Variants in CHST8 observed in about 807,000 individuals in gnomAD.
The protein encoded by CHST8 is carbohydrate sulfotransferase 8.
In CHST8, 10 loss-of-function variants were observed where a neutral mutation model predicts 15.0. That is an observed-to-expected ratio of 0.67 (90% CI 0.41 to 1.13). CHST8 has a LOEUF of 1.13. Ranked by LOEUF, CHST8 falls within the 50% of genes most tolerant of loss-of-function variation. CHST8 has a pLI of 0.00. For synonymous variants in CHST8, 259 were observed against 256.6 expected, an observed-to-expected ratio of 1.01 and a Z score of -0.09; for missense variants, 634 against 608.2, an observed-to-expected ratio of 1.04 and a Z score of -0.45.
Position 33,772,359 on chromosome 19 carries a change from CGCGTGCTCTACT to C in CHST8, c.575_586del (p.Val192_Cys195del), listed in dbSNP as rs756862475. The C allele has an allele frequency of 1.9e-6, 3 of 1,607,614 alleles. No individual in the cohort carries two copies. In the East Asian group the frequency reaches 6.7e-5, roughly 36 times the overall value. On this transcript the variant is annotated inframe_deletion, in exon 5 of 5. Transcript: ENST00000650847. ...CCGTATCTTCGTGGAGGACCGCCAC[CGCGTGCTCTACT>C]GCGAGGTGCCCAAGGCCGGCTGCTC...
intron 3 of CHST8, among the ~76,000 whole-genome samples, chr19:33,700,810 C>A (rs1249374516): frequency 6.6e-6 from 1 of 152,170 alleles, no homozygotes; most frequent in Non-Finnish European, 1.5e-5. Flanking sequence ...CAGGGACACA[C>A]CCACACTGTG....
rs752510254 is a variant in CHST8, at chr19:33,772,065, G to T, written c.277G>T (p.Asp93Tyr). The T allele has an allele frequency of 2.4e-5, 39 of 1,612,366 alleles. No homozygotes were observed. The African/African-American group carries it at 3.1e-4, about 13-fold the overall frequency. The change falls in exon 5 of 5, where the codon GAC (aspartate) becomes TAC (tyrosine). Residue 93 changes from aspartate to tyrosine, a missense_variant. Physicochemically the swap from Asp to Tyr is radical, Grantham distance 160. Transcript: ENST00000650847. ...APRGRNLPAP[D>Y]QPQPPLQRGT... ...GAGGGGCCGCAACCTGCCAGCGCCT[G>T]ACCAGCCTCAACCCCCGCTGCAGAG... is the stretch of plus-strand genomic sequence containing the variant.
At chr19:33,661,046 G>A (rs138103099) in intron 1 of CHST8, among the ~76,000 whole-genome samples, 51 of 152,298 alleles carry the variant, frequency 3.3e-4, no homozygotes, top group Non-Finnish European at 5.7e-4. Flanking sequence ...GCCCCCTCTT[G>A]TCTGCGAGGC....
chr19:33,730,195 G>A (rs78280373), intron 3 of CHST8, among the ~76,000 whole-genome samples: 2,848 of 152,246 alleles, frequency 0.019, 34 homozygotes, highest in Non-Finnish European at 0.027. Context: ...TCGAGAACCC[G>A]GCGTGCAATT....
intron 3 of CHST8, among the ~76,000 whole-genome samples, chr19:33,741,163 A>G (rs1445571423): frequency 1.3e-5 from 2 of 152,128 alleles, no homozygotes; most frequent in Non-Finnish European, 2.9e-5. Flanking sequence ...GCTGCTGTCA[A>G]TCATGCTCTG....
At chr19:33,649,692 A>T (rs1190182183) in intron 1 of CHST8, among the ~76,000 whole-genome samples, 3 of 152,198 alleles carry the variant, frequency 2.0e-5, no homozygotes, top group Admixed American at 6.5e-5. Flanking sequence ...TACATGTCAA[A>T]AGGACATGAA....
chr19:33,734,349 T>C (rs554863994), intron 3 of CHST8, among the ~76,000 whole-genome samples: 3 of 152,332 alleles, frequency 2.0e-5, no homozygotes, highest in African/African-American at 4.8e-5. Context: ...AAATGGGCAA[T>C]GAAGAATGGA....
chr19:33,625,780 T>C (rs1222834353), intron 1 of CHST8, among the ~76,000 whole-genome samples: 3 of 152,124 alleles, frequency 2.0e-5, no homozygotes, highest in African/African-American at 7.2e-5. Context: ...GAGAATCACT[T>C]GAACCTGGGA....
chr19:33,763,189 A>AT (rs1974770957), intron 3 of CHST8, among the ~76,000 whole-genome samples: 1 of 152,190 alleles, frequency 6.6e-6, no homozygotes, highest in Non-Finnish European at 1.5e-5. Flanking sequence ...CTAAGCCTGC[A>AT]TTAAAAACTA....
intron 3 of CHST8, among the ~76,000 whole-genome samples, chr19:33,705,887 C>T (rs1027465572): frequency 6.6e-6 from 1 of 152,200 alleles, no homozygotes; most frequent in African/African-American, 2.4e-5. Context: ...AAGGAGGTGG[C>T]ATCCAGGGGT....
In CHST8 at chr19:33,771,941, T is replaced by C. The variant is rs1974991678; in HGVS notation, c.169-16T>C. On this transcript the variant is annotated splice_polypyrimidine_tract_variant and intron_variant, in intron 4 of 4. Transcript: ENST00000650847. ...TGTCCTTTCCACTCAGATAACCACT[T>C]CTCTTCTTGCCCCAGGACCTCCCAC... 6.5e-7 allele frequency: 1 copy of C among 1,539,314 alleles called. No individual in the cohort carries two copies. The highest frequency in any genetic ancestry group is 8.7e-7 in the Non-Finnish European group (1 of 1,146,604).
At chr19:33,630,145 T>A (rs1256178408) in intron 1 of CHST8, among the ~76,000 whole-genome samples, 3 of 152,210 alleles carry the variant, frequency 2.0e-5, no homozygotes, top group Non-Finnish European at 4.4e-5. Context: ...CTGCAGGAGC[T>A]TTGCTTCCTG....
chr19:33,639,430 C>T (rs2059876), intron 1 of CHST8, among the ~76,000 whole-genome samples: 42,755 of 152,100 alleles, frequency 0.28, 6,158 homozygotes, highest in East Asian at 0.32. Context: ...AGGAGCCTCT[C>T]AGCATCGGGG....
intron 1 of CHST8, among the ~76,000 whole-genome samples, chr19:33,635,121 C>G (rs1972176140): frequency 6.6e-6 from 1 of 152,198 alleles, no homozygotes; most frequent in Non-Finnish European, 1.5e-5. Flanking sequence ...CAATCCATCC[C>G]TGCACCATGC....
intron 1 of CHST8, among the ~76,000 whole-genome samples, chr19:33,630,364 C>T (rs938172525): frequency 1.3e-5 from 2 of 152,262 alleles, no homozygotes; most frequent in African/African-American, 4.8e-5. Flanking sequence ...TTAAACTGTG[C>T]AGTCTGTCTA....
chr19:33,698,836 T>C (rs188438720), intron 3 of CHST8, among the ~76,000 whole-genome samples: 22 of 152,184 alleles, frequency 1.4e-4, no homozygotes, highest in Admixed American at 1.4e-3. Flanking sequence ...GCCCCCACCA[T>C]GCCCTCGCCC....
intron 3 of CHST8, among the ~76,000 whole-genome samples, chr19:33,708,849 A>G (rs1973494700): frequency 6.6e-6 from 1 of 152,236 alleles, no homozygotes; most frequent in African/African-American, 2.4e-5. Flanking sequence ...ATTGAATCTT[A>G]CAATCCATGA....
At chr19:33,626,832 A>C (rs1385773904) in intron 1 of CHST8, among the ~76,000 whole-genome samples, 2 of 136,836 alleles carry the variant, frequency 1.5e-5, no homozygotes, top group African/African-American at 2.8e-5. Flanking sequence ...TCTATTGCCC[A>C]GGCTGGAGTA....
At chr19:33,631,710 A>T (rs1218884447) in intron 1 of CHST8, among the ~76,000 whole-genome samples, 1 of 151,942 alleles carries the variant, frequency 6.6e-6, no homozygotes, top group African/African-American at 2.4e-5. Context: ...ACTCTTCTTG[A>T]TTCCCTCTTC....
Sources: allele counts gnomAD v4.1 joint callset (sites outside exome capture counted in the v4.1 genomes callset), GRCh38; gene constraint gnomAD v4.1.1; transcripts MANE v1.5; gene names NCBI Gene and HGNC (gene_info 2026-07-23, HGNC 2026-07-21).